ZBTB16: variants seen among roughly 807,000 people sequenced by gnomAD.
ZBTB16 encodes the protein zinc finger and BTB domain containing 16, also known as zinc finger and BTB domain-containing protein 16.
Under a neutral mutation model 56.8 loss-of-function variants are expected in ZBTB16, and 8 were observed. That is an observed-to-expected ratio of 0.14 (90% CI 0.08 to 0.25). ZBTB16 has a LOEUF of 0.25. Ranked by LOEUF, ZBTB16 falls within the 10% of genes least tolerant of loss-of-function variation. The pLI, the probability that ZBTB16 is intolerant of heterozygous loss-of-function variation, is 1.00. For synonymous variants in ZBTB16, 363 were observed against 368.5 expected (o/e 0.98, Z 0.17); for missense variants, 625 against 903.0 (o/e 0.69, Z 3.95).
At chr11:114,194,595 T>C (rs1943566317) in intron 4 of ZBTB16, among the ~76,000 whole-genome samples, 3 of 152,242 alleles carry the variant, frequency 2.0e-5, no homozygotes, top group African/African-American at 2.4e-5. Flanking sequence ...AAAACACTGC[T>C]GCTTCCAAAA....
chr11:114,086,750 A>G (rs1014300185), intron 2 of ZBTB16, among the ~76,000 whole-genome samples: 3 of 152,096 alleles, frequency 2.0e-5, no homozygotes, highest in African/African-American at 7.2e-5. Context: ...TTCTTGTTTC[A>G]TTTGCCCTGA....
At chr11:114,156,282 C>G in intron 2 of ZBTB16, 55 bp from the exon 3 acceptor site, 1 of 1,587,764 alleles carries the variant, frequency 6.3e-7, no homozygotes, top group Non-Finnish European at 8.6e-7. Context: ...AGGGGATGGC[C>G]CTGCCTCTTG....
chr11:114,210,194 C>T (rs28526025), intron 4 of ZBTB16, among the ~76,000 whole-genome samples: 169 of 55,508 alleles, frequency 3.0e-3, no homozygotes, highest in Middle Eastern at 0.024. Context: ...TGTGTGTGTG[C>T]GTGCGCGCGC....
chr11:114,181,185 A>G (rs1306962094), intron 3 of ZBTB16, among the ~76,000 whole-genome samples: 1 of 152,220 alleles, frequency 6.6e-6, no homozygotes, highest in African/African-American at 2.4e-5. Context: ...CTTTAATTGC[A>G]TGAAGGGAGC....
At chr11:114,178,600 A>G (rs1223770577) in intron 3 of ZBTB16, among the ~76,000 whole-genome samples, 1 of 152,188 alleles carries the variant, frequency 6.6e-6, no homozygotes, top group Non-Finnish European at 1.5e-5. Context: ...AAAAGGGGTA[A>G]CAAAAGAGCT....
At position 114,256,022 on chromosome 11, in the gene ZBTB16, GT is replaced by G. The variant is rs61107073; in HGVS notation, c.*5479del. Among the ~76,000 whole-genome samples the G allele has an allele frequency of 0.42, 59,890 of 142,994 alleles. 12,456 individuals carry two copies. Among genetic ancestry groups the G allele is most frequent in the Middle Eastern group, 0.47 (125 of 268 alleles). 93.8% of individuals were successfully genotyped at this position (142,994 alleles called of 152,430 possible). A position where few individuals can be genotyped will look rare whatever the true frequency, so the allele number is the denominator to read the frequency against. The stretch of plus-strand genomic sequence containing the variant: ...TTATTGAAGTACTTGGTTTTGTTTT[GT>G]TTTTTTTTTTTGTTTTTTTTGCCTT... On this transcript the variant is annotated 3_prime_UTR_variant, in exon 7 of 7. Coordinates refer to ENST00000335953, the MANE Select transcript of ZBTB16 (RefSeq NM_006006.6).
At chr11:114,068,117 A>C (rs1352276037) in intron 2 of ZBTB16, among the ~76,000 whole-genome samples, 1 of 151,282 alleles carries the variant, frequency 6.6e-6, no homozygotes, top group East Asian at 1.9e-4. Context: ...CATGGCATTC[A>C]CTGGAAATAT....
chr11:114,225,858 A>G (rs989562752), intron 4 of ZBTB16, among the ~76,000 whole-genome samples: 5 of 152,204 alleles, frequency 3.3e-5, no homozygotes, highest in Non-Finnish European at 7.3e-5. Flanking sequence ...ATCATGTGAC[A>G]CTGTGATAGA....
chr11:114,082,914 C>T (rs763746356), intron 2 of ZBTB16, among the ~76,000 whole-genome samples: 4 of 152,192 alleles, frequency 2.6e-5, no homozygotes, highest in Admixed American at 6.5e-5. Flanking sequence ...CTATCTCCCG[C>T]GGGCCAGTCT....
At chr11:114,090,307 TG>T (rs1382926262) in intron 2 of ZBTB16, among the ~76,000 whole-genome samples, 3 of 152,162 alleles carry the variant, frequency 2.0e-5, no homozygotes, top group Non-Finnish European at 4.4e-5. Flanking sequence ...CTGATGGTGT[TG>T]GGGAATGTCC....
chr11:114,073,820 G>A (rs966771302), intron 2 of ZBTB16, among the ~76,000 whole-genome samples: 1 of 152,006 alleles, frequency 6.6e-6, no homozygotes, highest in African/African-American at 2.4e-5. Flanking sequence ...TCCTCTTTAG[G>A]GCCATTCGGT....
intron 3 of ZBTB16, among the ~76,000 whole-genome samples, chr11:114,171,792 GCTTC>G (rs1260480273): frequency 6.6e-6 from 1 of 152,212 alleles, no homozygotes; most frequent in African/African-American, 2.4e-5. Context: ...CGGACTATCT[GCTTC>G]CTTCCTCCAT....
intron 3 of ZBTB16, among the ~76,000 whole-genome samples, chr11:114,166,971 A>G (rs1045006688): frequency 4.6e-5 from 7 of 152,154 alleles, no homozygotes; most frequent in Admixed American, 3.9e-4. Flanking sequence ...GTGCAATACT[A>G]TGCATTTTCA....
intron 3 of ZBTB16, among the ~76,000 whole-genome samples, chr11:114,183,977 G>A (rs545830914): frequency 2.0e-5 from 3 of 152,370 alleles, no homozygotes; most frequent in East Asian, 1.9e-4. Flanking sequence ...GCCCTGTGGC[G>A]TGAAGGGACA....
chr11:114,255,747 A>G lies in ZBTB16; in HGVS notation c.*5192A>G, dbSNP rs1944995111. 6.6e-6 allele frequency among the ~76,000 whole-genome samples: 1 copy of G among 151,912 alleles called. No individual in the cohort carries two copies. The highest frequency in any genetic ancestry group is 2.4e-5 in the African/African-American group (1 of 41,420). On this transcript the variant is annotated 3_prime_UTR_variant, in exon 7 of 7. Coordinates refer to ENST00000335953, the MANE Select transcript of ZBTB16 (RefSeq NM_006006.6). ...AAAAAAAAAAAAGGAAAAAAAAAGA[A>G]AAAATGAATTTACTGCTGCAGGTTT...
chr11:114,071,313 C>A (rs1465087071), intron 2 of ZBTB16, among the ~76,000 whole-genome samples: 1 of 150,598 alleles, frequency 6.6e-6, no homozygotes, highest in Non-Finnish European at 1.5e-5. Context: ...CTAGACTGAA[C>A]TCTTGGAACT....
At chr11:114,097,823 T>C (rs1940472748) in intron 2 of ZBTB16, among the ~76,000 whole-genome samples, 1 of 152,166 alleles carries the variant, frequency 6.6e-6, no homozygotes, top group South Asian at 2.1e-4. Context: ...TTAAGGAAAA[T>C]CTTCCGCTCT....
At chr11:114,211,164 C>T (rs919345593) in intron 4 of ZBTB16, among the ~76,000 whole-genome samples, 1 of 152,184 alleles carries the variant, frequency 6.6e-6, no homozygotes, top group African/African-American at 2.4e-5. Flanking sequence ...TCAGTTCATC[C>T]ACCCTCCTTG....
At chr11:114,077,074 G>A (rs187876441) in intron 2 of ZBTB16, among the ~76,000 whole-genome samples, 1 of 152,308 alleles carries the variant, frequency 6.6e-6, no homozygotes, top group African/African-American at 2.4e-5. Flanking sequence ...TTAACTGGAT[G>A]TAATTGCTTC....
Sources: allele counts gnomAD v4.1 joint callset (sites outside exome capture counted in the v4.1 genomes callset), GRCh38; gene constraint gnomAD v4.1.1; transcripts MANE v1.5; gene names NCBI Gene and HGNC (gene_info 2026-07-23, HGNC 2026-07-21).